The following CHST8 variants were observed in gnomAD, a reference collection of about 807,000 sequenced individuals.
CHST8 encodes carbohydrate sulfotransferase 8.
In CHST8, 10 loss-of-function variants were observed where a neutral mutation model predicts 15.0. The ratio of observed to expected loss-of-function variants is 0.67; its 90% confidence interval spans 0.41 to 1.13. CHST8 has a LOEUF of 1.13. CHST8 is among the 50% of genes most tolerant of loss of function. CHST8 has a pLI of 0.00. For synonymous variants in CHST8, 259 were observed against 256.6 expected, an observed-to-expected ratio of 1.01 and a Z score of -0.09; for missense variants, 634 against 608.2, an observed-to-expected ratio of 1.04 and a Z score of -0.45.
intron 1 of CHST8, among the ~76,000 whole-genome samples, chr19:33,649,459 C>T (rs1190469472): frequency 1.3e-5 from 2 of 152,112 alleles, no homozygotes; most frequent in South Asian, 2.1e-4. Flanking sequence ...ACCTGAAAAC[C>T]GAAAGCAAGC....
chr19:33,718,167 G>A (rs1279339228), intron 3 of CHST8, among the ~76,000 whole-genome samples: 5 of 151,914 alleles, frequency 3.3e-5, no homozygotes, highest in South Asian at 2.1e-4. Flanking sequence ...TCCATCTCCC[G>A]CCAGGGGTGC....
At chr19:33,656,417 G>T (rs1396798398) in intron 1 of CHST8, among the ~76,000 whole-genome samples, 1 of 152,204 alleles carries the variant, frequency 6.6e-6, no homozygotes, top group Non-Finnish European at 1.5e-5. Context: ...GTGAAATAGG[G>T]AGATTATTTG....
Position 33,759,182 on chromosome 19 carries a change from G to A in CHST8, c.131-12231G>A, listed in dbSNP as rs1012514472. On this transcript the variant is annotated intron_variant, in intron 3 of 4. Coordinates refer to ENST00000650847, the MANE Select transcript of CHST8 (RefSeq NM_001127895.2). ...TCACACTTCAACATGAGATTTGGGCGGGGACGAATGTCCAAACTACATCAA... is the reference window on the plus strand; with the variant it reads ...TCACACTTCAACATGAGATTTGGGCAGGGACGAATGTCCAAACTACATCAA... Among the ~76,000 whole-genome samples, 10 of 152,136 alleles carry A rather than the reference G, an allele frequency of 6.6e-5. 1 individual carries two copies. Among genetic ancestry groups the A allele is most frequent in the East Asian group, 1.9e-4 (1 of 5,190 alleles).
At chr19:33,665,731 C>T (rs1450209598) in intron 1 of CHST8, among the ~76,000 whole-genome samples, 1 of 152,124 alleles carries the variant, frequency 6.6e-6, no homozygotes, top group East Asian at 1.9e-4. Context: ...GAGCAGTGTC[C>T]CCCAAGGAAC....
intron 3 of CHST8, among the ~76,000 whole-genome samples, chr19:33,746,257 A>C (rs1004934026): frequency 6.6e-6 from 1 of 152,226 alleles, no homozygotes; most frequent in African/African-American, 2.4e-5. Flanking sequence ...AAGAAAACAC[A>C]TGCATTGTTT....
chr19:33,729,923 C>T (rs1485981781), intron 3 of CHST8, among the ~76,000 whole-genome samples: 2 of 152,174 alleles, frequency 1.3e-5, no homozygotes, highest in Non-Finnish European at 1.5e-5. Flanking sequence ...ACTAGTTTTG[C>T]TGGAATTCAC....
At chr19:33,685,351 G>T (rs1972958728) in intron 2 of CHST8, among the ~76,000 whole-genome samples, 1 of 149,522 alleles carries the variant, frequency 6.7e-6, no homozygotes, top group Non-Finnish European at 1.5e-5. Context: ...AGATTAATTG[G>T]ATCTTTTTTT....
chr19:33,683,162 C>T (rs1005574857), intron 2 of CHST8, among the ~76,000 whole-genome samples: 1 of 152,212 alleles, frequency 6.6e-6, no homozygotes. Context: ...CAGTCCCCTC[C>T]AACCAGACCC....
At chr19:33,697,714 G>A (rs1487020251) in intron 3 of CHST8, among the ~76,000 whole-genome samples, 1 of 152,220 alleles carries the variant, frequency 6.6e-6, no homozygotes, top group Non-Finnish European at 1.5e-5. Flanking sequence ...CCAGCACTTG[G>A]GGTACCCAGT....
chr19:33,646,142 G>A (rs1488771078), intron 1 of CHST8, among the ~76,000 whole-genome samples: 1 of 151,584 alleles, frequency 6.6e-6, no homozygotes, highest in African/African-American at 2.4e-5. Context: ...AAAAACAAAA[G>A]TTTAATAATT....
At chr19:33,745,638 C>T (rs183564691) in intron 3 of CHST8, among the ~76,000 whole-genome samples, 1 of 152,306 alleles carries the variant, frequency 6.6e-6, no homozygotes, top group East Asian at 1.9e-4. Context: ...TGTAAGGGAA[C>T]GAAGGAAGCA....
intron 1 of CHST8, among the ~76,000 whole-genome samples, chr19:33,632,728 C>T (rs1352691309): frequency 1.3e-5 from 2 of 150,428 alleles, no homozygotes; most frequent in East Asian, 1.9e-4. Flanking sequence ...TTACTTCTAA[C>T]GATATGGATT....
chr19:33,665,735 A>G (rs1159816552), intron 1 of CHST8, among the ~76,000 whole-genome samples: 3 of 152,014 alleles, frequency 2.0e-5, no homozygotes, highest in African/African-American at 7.2e-5. Context: ...AGTGTCCCCC[A>G]AGGAACACTT....
intron 1 of CHST8, among the ~76,000 whole-genome samples, chr19:33,667,417 C>T (rs898325997): frequency 1.3e-5 from 2 of 152,128 alleles, no homozygotes; most frequent in African/African-American, 4.8e-5. Context: ...AAACGGCCAC[C>T]TTGTCTCTAT....
chr19:33,696,976 G>A (rs1445507501), intron 3 of CHST8, among the ~76,000 whole-genome samples: 1 of 151,934 alleles, frequency 6.6e-6, no homozygotes, highest in Admixed American at 6.6e-5. Context: ...AAGTAGCTGG[G>A]ATTACATGTT....
chr19:33,735,434 C>A (rs769323566), intron 3 of CHST8, among the ~76,000 whole-genome samples: 1 of 152,214 alleles, frequency 6.6e-6, no homozygotes, highest in Admixed American at 6.5e-5. Flanking sequence ...CCCCTTCTCC[C>A]GACTGCCCAC....
chr19:33,772,314 G>A lies in CHST8; in HGVS notation c.526G>A (p.Val176Ile), dbSNP rs759665994. Residue 176 changes from valine to isoleucine, a missense_variant, in exon 5 of 5, where the codon GTC becomes ATC. Transcript: ENST00000650847. ...CCGGGCGAGCAGCAGCCGCCGGGCC[G>A]TCACGCCCCGCCACGTGTCCCGTAT... is the stretch of plus-strand genomic sequence containing the variant. ...KYRASSSRRA[V>I]TPRHVSRIFV... is the part of the protein sequence containing the mutation. 3.7e-6 allele frequency: 6 copies of A among 1,604,150 alleles called. No individual in the cohort carries two copies. The Admixed American group carries it at 6.7e-5, about 18-fold the overall frequency.
At chr19:33,660,994 G>A (rs1972578328) in intron 1 of CHST8, among the ~76,000 whole-genome samples, 1 of 152,140 alleles carries the variant, frequency 6.6e-6, no homozygotes, top group Non-Finnish European at 1.5e-5. Flanking sequence ...TGTGTTTGGT[G>A]GCCTGGGGTT....
At chr19:33,646,910 G>C (rs557952888) in intron 1 of CHST8, among the ~76,000 whole-genome samples, 1 of 152,298 alleles carries the variant, frequency 6.6e-6, no homozygotes, top group African/African-American at 2.4e-5. Flanking sequence ...GTGAGACTCT[G>C]TCTCAAAATA....
Sources: allele counts gnomAD v4.1 joint callset (sites outside exome capture counted in the v4.1 genomes callset), GRCh38; gene constraint gnomAD v4.1.1; transcripts MANE v1.5; gene names NCBI Gene and HGNC (gene_info 2026-07-23, HGNC 2026-07-21).